RGPD2: variants seen among roughly 807,000 people sequenced by gnomAD.
RGPD2 encodes RANBP2-like and GRIP domain-containing protein 2.
In RGPD2, 2 loss-of-function variants were observed where a neutral mutation model predicts 36.0. That is an observed-to-expected ratio of 0.06 (90% CI 0.02 to 0.17). The LOEUF (loss-of-function observed/expected upper bound fraction) is 0.17, where lower values mean the gene tolerates loss of function less well. RGPD2 is among the 10% of genes least tolerant of loss of function. RGPD2 has a pLI of 1.00. For missense variants in RGPD2, 40 were observed against 464.3 expected (o/e 0.09, Z 8.40); for synonymous variants, 19 against 163.8 (o/e 0.12, Z 6.75).
the RGPD2 span, among the ~76,000 whole-genome samples, chr2:87,887,406 T>TAGGA: frequency 6.6e-6 from 1 of 151,548 alleles, no homozygotes; most frequent in African/African-American, 2.4e-5. Context: ...TCCTTGTTTT[T>TAGGA]AGGAATATAA....
the RGPD2 span, among the ~76,000 whole-genome samples, chr2:87,966,564 A>AAAAAG: frequency 1.4e-5 from 2 of 148,070 alleles, no homozygotes; most frequent in African/African-American, 5.1e-5. Context: ...CAAAAGCAGA[A>AAAAAG]AAAATAAAAT....
the RGPD2 span, among the ~76,000 whole-genome samples, chr2:87,894,028 C>G: frequency 6.6e-6 from 1 of 150,670 alleles, no homozygotes; most frequent in Non-Finnish European, 1.5e-5. Context: ...AGCAGATTCC[C>G]CCTCAGAGCT....
chr2:87,987,984 G>A, the RGPD2 span, among the ~76,000 whole-genome samples: 200 of 149,758 alleles, frequency 1.3e-3, no homozygotes, highest in Non-Finnish European at 2.4e-3. Context: ...TTGTGATTAC[G>A]AAATACCTTT....
the RGPD2 span, among the ~76,000 whole-genome samples, chr2:87,913,135 A>G: frequency 1.3e-5 from 2 of 152,138 alleles, no homozygotes; most frequent in Non-Finnish European, 2.9e-5. Flanking sequence ...TTTTCTTTCT[A>G]CACAACCCAA....
At chr2:87,807,557 TTTTTTATA>T (rs2104336049) in intron 6 of RGPD2, among the ~76,000 whole-genome samples, 1 of 136,032 alleles carries the variant, frequency 7.4e-6, no homozygotes, top group Non-Finnish European at 1.6e-5. Context: ...CCGCTAAACT[TTTTTTATA>T]TTTTTAGTAG....
At chr2:87,805,459 C>CTTTTTTTT (rs1329477608) in intron 7 of RGPD2, among the ~76,000 whole-genome samples, 2 of 120,852 alleles carry the variant, frequency 1.7e-5, no homozygotes, top group African/African-American at 3.0e-5. Context: ...TTTCCCTCCC[C>CTTTTTTTT]AAGCAAAAAA....
At chr2:87,863,892 T>C in the RGPD2 span, among the ~76,000 whole-genome samples, 1 of 152,098 alleles carries the variant, frequency 6.6e-6, no homozygotes, top group Non-Finnish European at 1.5e-5. Flanking sequence ...CTCATTTACT[T>C]TACTTTCTCT....
At chr2:87,935,543 C>T in the RGPD2 span, among the ~76,000 whole-genome samples, 5 of 148,368 alleles carry the variant, frequency 3.4e-5, no homozygotes, top group East Asian at 2.1e-4. Context: ...CAACATGTAA[C>T]GGGAAACCAT....
intron 20 of RGPD2, among the ~76,000 whole-genome samples, chr2:87,781,456 G>GT (rs947473930): frequency 4.3e-4 from 48 of 110,994 alleles, no homozygotes; most frequent in Non-Finnish European, 7.3e-4. Flanking sequence ...GGTTTTTTTT[G>GT]TTTTTTTGTT....
intron 22 of RGPD2, among the ~76,000 whole-genome samples, chr2:87,769,754 T>G (rs1017068636): frequency 1.3e-5 from 2 of 151,156 alleles, no homozygotes; most frequent in Non-Finnish European, 3.0e-5. Context: ...ACTATAAAAT[T>G]AGTTATAATT....
At chr2:87,809,464 C>T (rs1247278190) in intron 6 of RGPD2, among the ~76,000 whole-genome samples, 2 of 141,644 alleles carry the variant, frequency 1.4e-5, no homozygotes, top group African/African-American at 2.6e-5. Context: ...GTCAGGAGAT[C>T]GAGACCATCC....
chr2:87,957,378 A>G, the RGPD2 span, among the ~76,000 whole-genome samples: 1 of 150,434 alleles, frequency 6.6e-6, no homozygotes, highest in Non-Finnish European at 1.5e-5. Flanking sequence ...ACCTTTCCAG[A>G]AACGTATCAT....
chr2:87,961,112 A>AG, the RGPD2 span, among the ~76,000 whole-genome samples: 1 of 152,050 alleles, frequency 6.6e-6, no homozygotes, highest in Non-Finnish European at 1.5e-5. Flanking sequence ...TTACAACCTG[A>AG]GTTAATACCA....
At chr2:87,983,635 TTTAA>T in the RGPD2 span, among the ~76,000 whole-genome samples, 30 of 136,954 alleles carry the variant, frequency 2.2e-4, no homozygotes, top group African/African-American at 6.9e-4. Context: ...GTATATTATA[TTTAA>T]TTAAGTGAGA....
chr2:87,857,215 A>T, the RGPD2 span, among the ~76,000 whole-genome samples: 1 of 152,278 alleles, frequency 6.6e-6, no homozygotes, highest in Non-Finnish European at 1.5e-5. Flanking sequence ...ATAGATTAGG[A>T]AAATTATGCA....
At chr2:87,988,021 C>T in the RGPD2 span, among the ~76,000 whole-genome samples, 3 of 151,882 alleles carry the variant, frequency 2.0e-5, no homozygotes, top group African/African-American at 7.3e-5. Context: ...TCTATAGCAA[C>T]TTGGAATACC....
chr2:87,814,075 T>C (rs1256738011), intron 4 of RGPD2, among the ~76,000 whole-genome samples: 3 of 142,252 alleles, frequency 2.1e-5, no homozygotes, highest in African/African-American at 7.8e-5. Flanking sequence ...GGGAGTTATG[T>C]TTGAGGCATA....
At chr2:87,964,513 C>T in the RGPD2 span, among the ~76,000 whole-genome samples, 1 of 152,192 alleles carries the variant, frequency 6.6e-6, no homozygotes, top group Non-Finnish European at 1.5e-5. Flanking sequence ...TATGCCCACT[C>T]TGTGTCAAAC....
Position 87,792,038 on chromosome 2 carries a change from ATCT to A in RGPD2, c.2412_2414del (p.Glu804del), listed in dbSNP as rs1465535698. 1 of 46,098 alleles carries A rather than the reference ATCT, an allele frequency of 2.2e-5. No homozygotes were observed. Among genetic ancestry groups the A allele is most frequent in the Non-Finnish European group, 3.3e-5 (1 of 30,108 alleles). The allele number at this position is 46,098 out of a possible 1,614,324, so 2.9% of individuals were successfully genotyped here. On this transcript the variant is annotated inframe_deletion, in exon 17 of 23. Transcript: ENST00000398146. ...AAATCATTTTCCGTAAAGAATTCTG[ATCT>A]TCTGCCCATCGAGGTGGTGTTTTGG...
Sources: allele counts gnomAD v4.1 joint callset (sites outside exome capture counted in the v4.1 genomes callset), GRCh38; gene constraint gnomAD v4.1.1; transcripts MANE v1.5; gene names NCBI Gene and HGNC (gene_info 2026-07-23, HGNC 2026-07-21).